The following LGR4 variants were observed in gnomAD, a reference collection of about 807,000 sequenced individuals.
LGR4 encodes leucine-rich repeat-containing G protein-coupled receptor 4.
A neutral mutation model predicts 84.8 loss-of-function variants in LGR4; 44 were observed. That is an observed-to-expected ratio of 0.52 (90% CI 0.41 to 0.67). The LOEUF is 0.67. Ranked by LOEUF, LGR4 falls within the 30% of genes least tolerant of loss-of-function variation. The probability of loss-of-function intolerance (pLI) is 0.00; values close to 1 mark genes in which losing one functional copy is unlikely to be tolerated. For synonymous variants in LGR4, 429 were observed against 434.3 expected, an observed-to-expected ratio of 0.99 and a Z score of 0.15; for missense variants, 1,032 against 1,131.4, an observed-to-expected ratio of 0.91 and a Z score of 1.26.
At chr11:27,457,376 G>A (rs930561047) in intron 1 of LGR4, among the ~76,000 whole-genome samples, 7 of 152,250 alleles carry the variant, frequency 4.6e-5, no homozygotes, top group East Asian at 3.9e-4. Flanking sequence ...AGTCTCTGGC[G>A]GGGATTACAG....
At chr11:27,433,373 C>T (rs1021359996) in intron 1 of LGR4, among the ~76,000 whole-genome samples, 2 of 149,266 alleles carry the variant, frequency 1.3e-5, no homozygotes, top group African/African-American at 4.9e-5. Context: ...CCACCATGCA[C>T]GCCCGGCTAA....
chr11:27,463,856 CCTT>C (rs1203640185), intron 1 of LGR4, among the ~76,000 whole-genome samples: 1 of 152,104 alleles, frequency 6.6e-6, no homozygotes, highest in African/African-American at 2.4e-5. Flanking sequence ...TTTAATGTTC[CCTT>C]CTTATGAACT....
chr11:27,439,899 CTCTTT>C lies in LGR4; in HGVS notation c.186-27044_186-27040del, dbSNP rs1381298995. On this transcript the variant is annotated intron_variant, in intron 1 of 17. Transcript: ENST00000379214. Reference sequence around the variant, plus strand: ...TCTGGTTTTCCTTGAGGTAGGATTTCTCTTTTTTTTTTTTTTTTTTTTTTGAGACG... The same window carrying C: ...TCTGGTTTTCCTTGAGGTAGGATTTCTTTTTTTTTTTTTTTTTTTGAGACG... 1.8e-4 allele frequency among the ~76,000 whole-genome samples: 25 copies of C among 139,384 alleles called. 2 individuals carry two copies. Among genetic ancestry groups the C allele is most frequent in the Admixed American group, 5.0e-4 (7 of 13,980 alleles). 91.4% of individuals were successfully genotyped at this position (139,384 alleles called of 152,430 possible).
At chr11:27,428,390 C>G (rs546613609) in intron 1 of LGR4, among the ~76,000 whole-genome samples, 1 of 152,278 alleles carries the variant, frequency 6.6e-6, no homozygotes, top group South Asian at 2.1e-4. Flanking sequence ...CTGCCTGCCT[C>G]GGCCTCCCAA....
intron 1 of LGR4, among the ~76,000 whole-genome samples, chr11:27,436,065 C>T (rs1434348153): frequency 6.6e-6 from 1 of 151,784 alleles, no homozygotes; most frequent in African/African-American, 2.4e-5. Flanking sequence ...GCGCCCACTA[C>T]CACGCCCGGC....
chr11:27,465,516 G>A (rs1864761697), intron 1 of LGR4, among the ~76,000 whole-genome samples: 1 of 152,186 alleles, frequency 6.6e-6, no homozygotes, highest in East Asian at 1.9e-4. Flanking sequence ...GCTAAAAATA[G>A]CTCAGCCATA....
chr11:27,462,754 C>T (rs559996227), intron 1 of LGR4, among the ~76,000 whole-genome samples: 1 of 152,142 alleles, frequency 6.6e-6, no homozygotes, highest in Admixed American at 6.5e-5. Context: ...GAAGATAATG[C>T]AAGCTGCCTC....
At chr11:27,450,866 GAAAC>G (rs1864471225) in intron 1 of LGR4, among the ~76,000 whole-genome samples, 1 of 152,128 alleles carries the variant, frequency 6.6e-6, no homozygotes, top group African/African-American at 2.4e-5. Flanking sequence ...CCTATATTTA[GAAAC>G]AAAACAACCA....
chr11:27,384,706 T>C (rs1048035267), intron 5 of LGR4, among the ~76,000 whole-genome samples: 1 of 152,252 alleles, frequency 6.6e-6, no homozygotes, highest in Non-Finnish European at 1.5e-5. Context: ...AAATAAAGTT[T>C]TGATTAGCTC....
intron 1 of LGR4, among the ~76,000 whole-genome samples, chr11:27,430,167 C>T (rs72889542): frequency 0.056 from 8,525 of 152,208 alleles, 387 homozygotes; most frequent in Non-Finnish European, 0.079. Context: ...CCAGCTCTTC[C>T]CCAGCTATAG....
chr11:27,410,467 C>A (rs1863688625), intron 2 of LGR4, among the ~76,000 whole-genome samples: 1 of 152,050 alleles, frequency 6.6e-6, no homozygotes, highest in African/African-American at 2.4e-5. Flanking sequence ...CTACTCAGGG[C>A]ATTTGGCTTC....
chr11:27,380,720 A>G lies in LGR4; in HGVS notation c.831-9T>C. 1.9e-6 allele frequency: 3 copies of G among 1,588,912 alleles called. No homozygotes were observed. The South Asian group carries it at 3.4e-5, about 18-fold the overall frequency. ...GATTATCATACAAATGTCTGTGAAA[A>G]TATCCAAAAAAAGTAAAATTTTCAT... On this transcript the variant is annotated splice_polypyrimidine_tract_variant and intron_variant, in intron 8 of 17. Transcript: ENST00000379214.
chr11:27,435,141 C>G lies in LGR4; in HGVS notation c.186-22281G>C, dbSNP rs528226027. On this transcript the variant is annotated intron_variant, in intron 1 of 17. Transcript: ENST00000379214. ...CTTGAGATCAGGCGTTCGAGACCAG[C>G]CTGGCCAATATGGTGAAAACCCATG... 4.6e-5 allele frequency among the ~76,000 whole-genome samples: 7 copies of G among 152,124 alleles called. No homozygotes were observed. The South Asian group carries it at 1.5e-3, about 32-fold the overall frequency.
chr11:27,380,409 A>C (rs1466285720), intron 9 of LGR4, 70 bp from the exon 10 acceptor site: 1 of 1,116,738 alleles, frequency 9.0e-7, no homozygotes, highest in Non-Finnish European at 1.3e-6. Context: ...AAACAGTTTA[A>C]AATTACAGTG....
chr11:27,460,629 C>G (rs1864663392), intron 1 of LGR4, among the ~76,000 whole-genome samples: 1 of 152,198 alleles, frequency 6.6e-6, no homozygotes, highest in African/African-American at 2.4e-5. Flanking sequence ...CTGGAAAACA[C>G]AGTTTGATTA....
At chr11:27,408,801 C>A (rs1046007683) in intron 2 of LGR4, among the ~76,000 whole-genome samples, 1 of 152,146 alleles carries the variant, frequency 6.6e-6, no homozygotes, top group African/African-American at 2.4e-5. Flanking sequence ...AGTAAAATTT[C>A]TCACGGCGAC....
intron 6 of LGR4, among the ~76,000 whole-genome samples, chr11:27,382,492 T>G (rs763127045): frequency 3.9e-5 from 6 of 152,204 alleles, no homozygotes; most frequent in Non-Finnish European, 8.8e-5. Context: ...TCAAGAAACT[T>G]ACAAGTTCAA....
chr11:27,409,979 G>A (rs1031915704), intron 2 of LGR4, among the ~76,000 whole-genome samples: 10 of 152,128 alleles, frequency 6.6e-5, no homozygotes, highest in African/African-American at 1.7e-4. Context: ...TTGTCCAATA[G>A]AACTTTCTGC....
intron 1 of LGR4, among the ~76,000 whole-genome samples, chr11:27,428,346 C>T (rs1305075745): frequency 6.6e-6 from 1 of 152,066 alleles, no homozygotes; most frequent in African/African-American, 2.4e-5. Context: ...ACCATGTTGG[C>T]CAGGCTGGTC....
Sources: allele counts gnomAD v4.1 joint callset (sites outside exome capture counted in the v4.1 genomes callset), GRCh38; gene constraint gnomAD v4.1.1; transcripts MANE v1.5; gene names NCBI Gene and HGNC (gene_info 2026-07-23, HGNC 2026-07-21).